SUGCT: variants seen among roughly 807,000 people sequenced by gnomAD.
The protein encoded by SUGCT is succinyl-CoA:glutarate CoA-transferase.
Under a neutral mutation model 55.0 loss-of-function variants are expected in SUGCT, and 41 were observed. That is an observed-to-expected ratio of 0.74 (90% CI 0.58 to 0.97). The LOEUF is 0.97. Ranked by LOEUF, SUGCT falls within the 50% of genes least tolerant of loss-of-function variation. The pLI is 0.00. For missense variants in SUGCT, 568 were observed against 547.8 expected, an observed-to-expected ratio of 1.04 and a Z score of -0.37; for synonymous variants, 187 against 200.4, an observed-to-expected ratio of 0.93 and a Z score of 0.56.
chr7:40,135,065 C>T lies in SUGCT; in HGVS notation c.45C>T (p.Cys15=), dbSNP rs1787601011. The change falls in exon 1 of 14, where the codon TGC becomes TGT. Residue 15 remains cysteine (C), a synonymous_variant. Coordinates refer to ENST00000335693, the MANE Select transcript of SUGCT (RefSeq NM_001193313.2). ...GGGTGGCAGCTCTGCGCAGAACCTG[C>T]CTCTTCTCCGGCCGGGGCGGCGGGA... ...LARVAALRRT[C]LFSGRGGGRG... is the part of the protein sequence containing the mutation. 1.3e-6 allele frequency: 2 copies of T among 1,561,730 alleles called. No individual in the cohort carries two copies. Among genetic ancestry groups the T allele is most frequent in the Non-Finnish European group, 1.7e-6 (2 of 1,154,300 alleles).
intron 13 of SUGCT, among the ~76,000 whole-genome samples, chr7:40,852,900 GA>G (rs1358578833): frequency 1.3e-5 from 2 of 152,020 alleles, no homozygotes; most frequent in African/African-American, 4.8e-5. Context: ...TCCCACATCA[GA>G]AAGTAAATTC....
intron 10 of SUGCT, among the ~76,000 whole-genome samples, chr7:40,455,895 A>G (rs945773828): frequency 3.3e-5 from 5 of 152,264 alleles, no homozygotes; most frequent in Non-Finnish European, 7.3e-5. Flanking sequence ...TAATGCACTT[A>G]AAGTGATGGC....
At chr7:40,533,737 T>C (rs1470359068) in intron 12 of SUGCT, among the ~76,000 whole-genome samples, 3 of 152,188 alleles carry the variant, frequency 2.0e-5, no homozygotes, top group African/African-American at 4.8e-5. Flanking sequence ...ATAACAACTT[T>C]CTAAAACATC....
intron 9 of SUGCT, among the ~76,000 whole-genome samples, chr7:40,421,140 G>A (rs1413389561): frequency 1.3e-5 from 2 of 152,082 alleles, no homozygotes; most frequent in Non-Finnish European, 2.9e-5. Flanking sequence ...ACCTTGTCAG[G>A]CCTAGTGAGA....
intron 7 of SUGCT, among the ~76,000 whole-genome samples, chr7:40,262,078 T>C (rs1241041797): frequency 6.6e-6 from 1 of 152,186 alleles, no homozygotes; most frequent in African/African-American, 2.4e-5. Flanking sequence ...TAAAAATGAT[T>C]GAGATGGTTT....
chr7:40,493,499 T>C (rs1791806986), intron 11 of SUGCT, among the ~76,000 whole-genome samples: 1 of 152,224 alleles, frequency 6.6e-6, no homozygotes, highest in Non-Finnish European at 1.5e-5. Context: ...TTAGGAAATT[T>C]AACATCAGCT....
intron 9 of SUGCT, among the ~76,000 whole-genome samples, chr7:40,424,729 G>C (rs144899039): frequency 2.6e-3 from 390 of 152,254 alleles, no homozygotes; most frequent in Middle Eastern, 0.017. Flanking sequence ...CAAAATGGCA[G>C]AGCAGAGTTT....
chr7:40,566,003 A>ATG (rs1562865943), intron 12 of SUGCT, among the ~76,000 whole-genome samples: 3 of 147,352 alleles, frequency 2.0e-5, no homozygotes, highest in Admixed American at 6.8e-5. Context: ...GCACACACAC[A>ATG]CACACACACA....
At chr7:40,227,220 T>C (rs1431653854) in intron 6 of SUGCT, among the ~76,000 whole-genome samples, 1 of 151,744 alleles carries the variant, frequency 6.6e-6, no homozygotes, top group African/African-American at 2.4e-5. Context: ...CTAATTTTTT[T>C]GTATTTTCAG....
intron 12 of SUGCT, among the ~76,000 whole-genome samples, chr7:40,726,806 C>T (rs1039180941): frequency 1.3e-5 from 2 of 152,052 alleles, no homozygotes; most frequent in South Asian, 2.1e-4. Flanking sequence ...TAAGAATTTT[C>T]GTGGGAGGAA....
chr7:40,250,273 G>T (rs528372984), intron 7 of SUGCT, among the ~76,000 whole-genome samples: 31 of 152,056 alleles, frequency 2.0e-4, no homozygotes, highest in African/African-American at 7.0e-4. Flanking sequence ...GGAGGTGCCT[G>T]CCTGTAGTCC....
At chr7:40,417,900 T>TTC (rs10626448) in intron 9 of SUGCT, among the ~76,000 whole-genome samples, 104,873 of 151,544 alleles carry the variant, frequency 0.69, 36,692 homozygotes, top group East Asian at 0.99. Flanking sequence ...TACATTTAAT[T>TTC]TGTTATTTTG....
intron 10 of SUGCT, among the ~76,000 whole-genome samples, chr7:40,455,242 C>A (rs1010117836): frequency 6.6e-6 from 1 of 151,808 alleles, no homozygotes; most frequent in African/African-American, 2.4e-5. Context: ...AAAATATAGC[C>A]AAAATCAAAA....
chr7:40,910,175 G>A, the SUGCT span, among the ~76,000 whole-genome samples: 6 of 151,568 alleles, frequency 4.0e-5, no homozygotes, highest in South Asian at 6.3e-4. Context: ...AGGATTCTCT[G>A]AAGGATCCAT....
At position 40,341,154 on chromosome 7, in the gene SUGCT, A is replaced by G. The variant is rs1344471537; in HGVS notation, c.816+24299A>G. On this transcript the variant is annotated intron_variant, in intron 9 of 13. Transcript: ENST00000335693. ...TGAAACCTACTGAGGAGACCCTACA[A>G]TCTATTGACTGTTGAATCTCATTCA... is the stretch of plus-strand genomic sequence containing the variant. Among the ~76,000 whole-genome samples, 3 of 152,206 alleles carry G rather than the reference A, an allele frequency of 2.0e-5. No homozygotes were observed. In the South Asian group the frequency reaches 6.2e-4, roughly 32 times the overall value.
At chr7:40,381,150 C>A (rs915130892) in intron 9 of SUGCT, among the ~76,000 whole-genome samples, 7 of 151,928 alleles carry the variant, frequency 4.6e-5, no homozygotes, top group South Asian at 4.2e-4. Context: ...TGATTTGATT[C>A]TTTAAGACTC....
chr7:40,685,097 T>C (rs976318346), intron 12 of SUGCT, among the ~76,000 whole-genome samples: 4 of 152,162 alleles, frequency 2.6e-5, no homozygotes, highest in African/African-American at 9.7e-5. Flanking sequence ...CCTTAAGTGG[T>C]CCACCTGCCT....
chr7:40,379,576 A>T (rs539438164), intron 9 of SUGCT, among the ~76,000 whole-genome samples: 3 of 152,188 alleles, frequency 2.0e-5, no homozygotes, highest in Non-Finnish European at 4.4e-5. Flanking sequence ...TGTAAAGTTT[A>T]TATTCTTTGT....
chr7:40,324,259 A>ATT (rs1176164053), intron 9 of SUGCT, among the ~76,000 whole-genome samples: 7 of 127,590 alleles, frequency 5.5e-5, no homozygotes, highest in East Asian at 5.5e-4. Flanking sequence ...ATAAATATAT[A>ATT]TATATTTATT....
Sources: gnomAD v4.1 joint callset for allele counts (sites outside exome capture counted in the v4.1 genomes callset) on GRCh38, gnomAD v4.1.1 for gene constraint, MANE v1.5 for transcripts, NCBI Gene and HGNC (gene_info 2026-07-23, HGNC 2026-07-21) for gene names.